The following PXDNL variants were observed in gnomAD, a reference collection of about 807,000 sequenced individuals.
The protein encoded by PXDNL is probable oxidoreductase PXDNL.
Under a neutral mutation model 150.8 loss-of-function variants are expected in PXDNL, and 145 were observed. The ratio of observed to expected loss-of-function variants is 0.96; its 90% CI spans 0.84 to 1.10. The LOEUF (loss-of-function observed/expected upper bound fraction) is 1.10, where lower values mean the gene tolerates loss of function less well. PXDNL is among the 50% of genes least tolerant of loss of function. PXDNL has a pLI of 0.00. For synonymous variants in PXDNL, 757 were observed against 725.7 expected (o/e 1.04, Z -0.69); for missense variants, 2,087 against 1,873.9 (o/e 1.11, Z -2.10).
intron 1 of PXDNL, among the ~76,000 whole-genome samples, chr8:51,784,582 A>G (rs978579909): frequency 6.6e-6 from 1 of 152,214 alleles, no homozygotes; most frequent in Non-Finnish European, 1.5e-5. Context: ...AGTCAATCTC[A>G]GCATTGCTCC....
At chr8:51,356,676 G>A (rs1288316566) in intron 19 of PXDNL, among the ~76,000 whole-genome samples, 3 of 151,964 alleles carry the variant, frequency 2.0e-5, no homozygotes, top group Non-Finnish European at 4.4e-5. Context: ...TGGCTTTCTC[G>A]TTATAGTCAT....
intron 1 of PXDNL, among the ~76,000 whole-genome samples, chr8:51,716,952 T>A (rs1162685158): frequency 1.3e-5 from 2 of 152,220 alleles, no homozygotes; most frequent in Non-Finnish European, 2.9e-5. Context: ...CAGTTAGGAA[T>A]GATTTGGGCT....
At chr8:51,781,351 T>C (rs188520766) in intron 1 of PXDNL, among the ~76,000 whole-genome samples, 162 of 152,226 alleles carry the variant, frequency 1.1e-3, no homozygotes, top group African/African-American at 3.6e-3. Flanking sequence ...TTTTCTGCCA[T>C]GTTGTTTGCA....
At chr8:51,769,163 G>A (rs1218644667) in intron 1 of PXDNL, among the ~76,000 whole-genome samples, 2 of 152,218 alleles carry the variant, frequency 1.3e-5, no homozygotes, top group Non-Finnish European at 2.9e-5. Context: ...TTCTATTTGA[G>A]TCATATCAAA....
At chr8:51,756,595 T>G (rs1412871053) in intron 1 of PXDNL, among the ~76,000 whole-genome samples, 2 of 152,156 alleles carry the variant, frequency 1.3e-5, no homozygotes, top group African/African-American at 2.4e-5. Flanking sequence ...GGAAGCTTCA[T>G]AGTAATGCAA....
intron 5 of PXDNL, among the ~76,000 whole-genome samples, chr8:51,495,284 T>G (rs1209077981): frequency 1.3e-5 from 2 of 152,094 alleles, no homozygotes; most frequent in African/African-American, 4.8e-5. Context: ...CAAAGCAGTG[T>G]GTAGAGGGAA....
intron 8 of PXDNL, among the ~76,000 whole-genome samples, chr8:51,461,938 A>G (rs1810095011): frequency 6.6e-6 from 1 of 152,210 alleles, no homozygotes; most frequent in African/African-American, 2.4e-5. Flanking sequence ...CTTAAGCACC[A>G]TCTACTCAAT....
chr8:51,642,682 T>A (rs2130780785), intron 2 of PXDNL, among the ~76,000 whole-genome samples: 1 of 152,278 alleles, frequency 6.6e-6, no homozygotes, highest in East Asian at 1.9e-4. Flanking sequence ...GCGTTGGAAG[T>A]TCTGGCCAGG....
At chr8:51,747,083 C>T (rs2036991891) in intron 1 of PXDNL, among the ~76,000 whole-genome samples, 1 of 152,142 alleles carries the variant, frequency 6.6e-6, no homozygotes, top group African/African-American at 2.4e-5. Flanking sequence ...CAAAAAGTTA[C>T]AGACTAATAT....
At chr8:51,644,491 G>A (rs1349306999) in intron 2 of PXDNL, among the ~76,000 whole-genome samples, 1 of 147,160 alleles carries the variant, frequency 6.8e-6, no homozygotes, top group Non-Finnish European at 1.5e-5. Context: ...ACGGAGTCTC[G>A]ATCTGTCGCC....
intron 1 of PXDNL, among the ~76,000 whole-genome samples, chr8:51,746,082 C>T (rs142171305): frequency 3.6e-4 from 54 of 151,588 alleles, no homozygotes; most frequent in African/African-American, 1.2e-3. Context: ...TTAAGACACA[C>T]AATTCCATAG....
intron 4 of PXDNL, among the ~76,000 whole-genome samples, chr8:51,540,087 G>A (rs59477212): frequency 0.019 from 2,839 of 152,026 alleles, 40 homozygotes; most frequent in African/African-American, 0.035. Context: ...TAGTAGAGAT[G>A]GGATTTCTCC....
chr8:51,372,083 TG>T lies in PXDNL; in HGVS notation c.3693-3del. 6.5e-7 allele frequency: 1 copy of T among 1,538,582 alleles called. No homozygotes were observed. Among genetic ancestry groups the T allele is most frequent in the African/African-American group, 1.4e-5 (1 of 73,240 alleles). On this transcript the variant is annotated splice_region_variant and splice_polypyrimidine_tract_variant and intron_variant, in intron 18 of 22. Transcript: ENST00000356297. ...ACTCCAGGGTTTTCATACCAGAACC[TG>T]GTAGTCAACCAAAAAAAAAACATTG...
intron 4 of PXDNL, among the ~76,000 whole-genome samples, chr8:51,544,008 G>T (rs1812291626): frequency 6.6e-6 from 1 of 152,180 alleles, no homozygotes; most frequent in Admixed American, 6.5e-5. Flanking sequence ...TGCTTTCTAA[G>T]AACATACCAA....
intron 17 of PXDNL, among the ~76,000 whole-genome samples, chr8:51,381,035 CT>C (rs1295664540): frequency 6.6e-6 from 1 of 152,046 alleles, no homozygotes; most frequent in African/African-American, 2.4e-5. Flanking sequence ...GTTTTCAATG[CT>C]TTGTTTATAA....
At chr8:51,507,665 T>G (rs1252561017) in intron 4 of PXDNL, among the ~76,000 whole-genome samples, 1 of 152,202 alleles carries the variant, frequency 6.6e-6, no homozygotes, top group Non-Finnish European at 1.5e-5. Flanking sequence ...AGCAATGGTT[T>G]GCAGTGGTTT....
intron 5 of PXDNL, among the ~76,000 whole-genome samples, chr8:51,495,088 C>A (rs1422429142): frequency 6.6e-6 from 1 of 152,132 alleles, no homozygotes. Flanking sequence ...GTCTCTCAGA[C>A]CACAGTGCAA....
chr8:51,453,978 G>C (rs138760916), intron 9 of PXDNL, among the ~76,000 whole-genome samples, 193 bp from the exon 10 acceptor site: 1 of 152,076 alleles, frequency 6.6e-6, no homozygotes, highest in Non-Finnish European at 1.5e-5. Flanking sequence ...TTTGCTGTAA[G>C]TACATACTTT....
At chr8:51,324,604 C>G (rs909624580) in intron 21 of PXDNL, among the ~76,000 whole-genome samples, 2 of 152,164 alleles carry the variant, frequency 1.3e-5, no homozygotes, top group East Asian at 3.8e-4. Context: ...TTCTGAGGCT[C>G]TGCTCATCTT....
Sources: gnomAD v4.1 joint callset for allele counts (sites outside exome capture counted in the v4.1 genomes callset) on GRCh38, gnomAD v4.1.1 for gene constraint, MANE v1.5 for transcripts, NCBI Gene and HGNC (gene_info 2026-07-23, HGNC 2026-07-21) for gene names.